Variants in ATAD3B observed in about 807,000 individuals in gnomAD.
The protein encoded by ATAD3B is ATPase family AAA domain containing 3B, also known as ATPase family AAA domain-containing protein 3B.
A neutral mutation model predicts 70.2 loss-of-function variants in ATAD3B; 59 were observed. That is an observed-to-expected ratio of 0.84 (90% CI 0.68 to 1.04). The LOEUF is 1.04. ATAD3B is among the 50% of genes least tolerant of loss of function. The probability of loss-of-function intolerance (pLI) is 0.00; values close to 1 mark genes in which losing one functional copy is unlikely to be tolerated. For missense variants in ATAD3B, 961 were observed against 913.4 expected (o/e 1.05, Z -0.67); for synonymous variants, 423 against 388.6 (o/e 1.09, Z -1.04).
In ATAD3B at chr1:1,482,584, T is replaced by C. The variant is rs1557801634; in HGVS notation, c.720T>C (p.Phe240=). The C allele has an allele frequency of 6.2e-7, 1 of 1,613,210 alleles. No individual in the cohort carries two copies. The highest frequency in any genetic ancestry group is 1.1e-5 in the South Asian group (1 of 90,986). The change falls in exon 7 of 16, where the codon TTT becomes TTC. Residue 240 remains phenylalanine (F), a synonymous_variant. Coordinates refer to ENST00000673477, the MANE Select transcript of ATAD3B (RefSeq NM_031921.6). ...GTLFGEGFRA[F]VTDRDKVTAT... is the part of the protein sequence containing the mutation. ...TGTTTGGGGAAGGATTCCGTGCCTT[T>C]GTGACAGACCGGGACAAAGTGACAG...
At chr1:1,477,432 G>T in intron 2 of ATAD3B, 82 bp downstream of exon 2, 1 of 1,598,340 alleles carries the variant, frequency 6.3e-7, no homozygotes, top group Non-Finnish European at 8.5e-7. Flanking sequence ...CTACTGGTGG[G>T]TAGGGCCAGG....
the ATAD3B span, chr1:1,509,299 G>A: frequency 1.3e-4 from 210 of 1,612,764 alleles, 2 homozygotes; most frequent in South Asian, 1.6e-3. Context: ...CAGATGATGC[G>A]CTGGCTGAAG....
At chr1:1,485,228 C>G in intron 8 of ATAD3B, 57 bp downstream of exon 8, 3 of 1,593,366 alleles carry the variant, frequency 1.9e-6, no homozygotes, top group Non-Finnish European at 1.7e-6. Flanking sequence ...TCCCTTCTGC[C>G]CCACGAGCAC....
At chr1:1,500,844 C>G (rs1640930213), downstream of ATAD3B, among the ~76,000 whole-genome samples, 2 of 151,700 alleles carry the variant, frequency 1.3e-5, no homozygotes, top group South Asian at 4.2e-4. Flanking sequence ...GTAGTCCCAG[C>G]TACTTGGGAG....
chr1:1,479,787 C>A (rs1313452920), intron 4 of ATAD3B, among the ~76,000 whole-genome samples: 1 of 144,202 alleles, frequency 6.9e-6, no homozygotes, highest in Admixed American at 7.1e-5. Flanking sequence ...ACACACCCCC[C>A]CGCACACGTG....
At position 1,487,911 on chromosome 1, in the gene ATAD3B, C is replaced by T. The variant is rs1303884727; in HGVS notation, c.1263C>T (p.Ala421=). 1.9e-6 allele frequency: 3 copies of T among 1,613,042 alleles called. No individual in the cohort carries two copies. In the African/African-American group the frequency reaches 4.0e-5, roughly 22 times the overall value. ...DEADAFLRKR[A]TEEISKDLRA... is the part of the protein sequence containing the mutation. ...CAGACGCCTTCCTTCGGAAGCGAGC[C>T]ACTGTGAGTGTCACTAAGCCTCTGT... The change falls in exon 12 of 16, where the codon GCC becomes GCT. Residue 421 remains alanine (A), a synonymous_variant. Transcript: ENST00000673477.
chr1:1,509,421 C>T, the ATAD3B span: 2 of 1,597,046 alleles, frequency 1.3e-6, no homozygotes, highest in South Asian at 1.1e-5. Flanking sequence ...TGCGGCCCCG[C>T]ACATTTAGGA....
intron 12 of ATAD3B, among the ~76,000 whole-genome samples, chr1:1,488,714 G>A (rs1215090868): frequency 6.6e-6 from 1 of 151,874 alleles, no homozygotes; most frequent in Non-Finnish European, 1.5e-5. Flanking sequence ...AGCTGAGATC[G>A]TGCCACTGCA....
rs764935940 is a variant in ATAD3B, at chr1:1,490,367, G to C, written c.1448G>C (p.Arg483Pro). Residue 483 changes from arginine to proline, a missense_variant, in exon 14 of 16, where the codon CGC becomes CCC. This residue lies in a region of ATAD3B where 417 missense variants were observed against 335.0 expected (regional missense o/e 1.24). Coordinates refer to ENST00000673477, the MANE Select transcript of ATAD3B (RefSeq NM_031921.6). ...CTGCCGCAGCAGGAGGAGCGGGAGCGCCTGGTGAGACTGCATTTTGACAAC... is the reference window on the plus strand; with the variant it reads ...CTGCCGCAGCAGGAGGAGCGGGAGCCCCTGGTGAGACTGCATTTTGACAAC... The part of the protein sequence containing the change: ...FDLPQQEERE[R>P]LVRLHFDNCV... 6.2e-7 allele frequency: 1 copy of C among 1,613,452 alleles called. No homozygotes were observed. Among genetic ancestry groups the C allele is most frequent in the Non-Finnish European group, 8.5e-7 (1 of 1,179,664 alleles).
chr1:1,480,432 G>C (rs923658515), intron 4 of ATAD3B, among the ~76,000 whole-genome samples: 6 of 146,832 alleles, frequency 4.1e-5, no homozygotes, highest in Admixed American at 2.1e-4. Flanking sequence ...TATGAGAAAA[G>C]CTTGGGTGAC....
chr1:1,485,800 A>C lies in ATAD3B; in HGVS notation c.925A>C (p.Ser309Arg), dbSNP rs763192532. 4 of 1,612,932 alleles carry C rather than the reference A, an allele frequency of 2.5e-6. No homozygotes were observed. In the Admixed American group the frequency reaches 6.7e-5, roughly 27 times the overall value. Residue 309 changes from serine (S) to arginine (R), a missense_variant, in exon 9 of 16, where the codon AGT (serine) becomes CGT (arginine). Ser to Arg is a moderately radical substitution (Grantham distance 110). This residue lies in a region of ATAD3B where 349 missense variants were observed against 307.5 expected (regional missense o/e 1.14). Coordinates refer to ENST00000673477, the MANE Select transcript of ATAD3B (RefSeq NM_031921.6). ...HPIQVSRRLL[S>R]RPQDVLEGVV... ...CCGGCAGGTCAGCCGGCGGCTCCTC[A>C]GTCGACCCCAGGACGTGCTGGAGGG...
chr1:1,501,109 G>A (rs992855983), downstream of ATAD3B, among the ~76,000 whole-genome samples: 1 of 152,016 alleles, frequency 6.6e-6, no homozygotes, highest in South Asian at 2.1e-4. Context: ...TATTTTTTGA[G>A]ATGGAGTCTT....
At chr1:1,478,618 C>G (rs1639725795) in intron 2 of ATAD3B, 26 bp from the exon 3 acceptor site, 1 of 1,549,040 alleles carries the variant, frequency 6.5e-7, no homozygotes, top group Non-Finnish European at 8.7e-7. Flanking sequence ...GAGCAAGTGC[C>G]AGCTGGTGAG....
At chr1:1,483,010 A>G (rs1187811245) in intron 7 of ATAD3B, 1 of 459,462 alleles carries the variant, frequency 2.2e-6, no homozygotes, top group Admixed American at 2.3e-5. Context: ...CAAGAAAAAA[A>G]TGGCCAGGCG....
intron 2 of ATAD3B, chr1:1,478,173 T>A (rs967679386): frequency 7.5e-6 from 2 of 265,578 alleles, no homozygotes; most frequent in Non-Finnish European, 1.5e-5. Flanking sequence ...ATTTTTGTAT[T>A]TTTAGTAGAG....
At chr1:1,477,731 G>A (rs548952138) in intron 2 of ATAD3B, among the ~76,000 whole-genome samples, 60 of 146,896 alleles carry the variant, frequency 4.1e-4, no homozygotes, top group African/African-American at 1.5e-3. Flanking sequence ...ATTTTGAAAC[G>A]GAGTCTCACT....
Position 1,472,092 on chromosome 1 carries a change from G to A in ATAD3B, c.205+3G>A, listed in dbSNP as rs1319351993. 2.3e-5 allele frequency: 28 copies of A among 1,204,060 alleles called. No homozygotes were observed. The highest frequency in any genetic ancestry group is 9.8e-5 in the Admixed American group (2 of 20,490). 74.6% of individuals were successfully genotyped at this position (1,204,060 alleles called of 1,614,324 possible). A position where few individuals can be genotyped will look rare whatever the true frequency, so the allele number is the denominator to read the frequency against. ...GGCGCGCGAGCTGGAGCACTCGCGT[G>A]AGTGCGGCGGGGCGGGGCGGGGCGG... is the stretch of plus-strand genomic sequence containing the variant. On this transcript the variant is annotated splice_donor_region_variant and intron_variant, in intron 1 of 15. Coordinates refer to ENST00000673477, the MANE Select transcript of ATAD3B (RefSeq NM_031921.6).
downstream of ATAD3B, among the ~76,000 whole-genome samples, chr1:1,500,729 G>A (rs9439434): frequency 0.26 from 38,856 of 149,498 alleles, 11,077 homozygotes; most frequent in African/African-American, 0.7. Context: ...CGAGGCGGGC[G>A]GATCACGAGG....
chr1:1,502,522 T>TC (rs1467609400), downstream of ATAD3B, among the ~76,000 whole-genome samples: 4 of 131,760 alleles, frequency 3.0e-5, no homozygotes, highest in Non-Finnish European at 6.4e-5. Context: ...TTTTTTTTTT[T>TC]TTTTTTTGAG....
Sources: allele counts gnomAD v4.1 joint callset (sites outside exome capture counted in the v4.1 genomes callset), GRCh38; gene constraint gnomAD v4.1.1; regional missense constraint gnomAD v4.1.1; transcripts MANE v1.5; gene names NCBI Gene and HGNC (gene_info 2026-07-23, HGNC 2026-07-21).